Variants in ADGRB1 observed in about 807,000 individuals in gnomAD.
ADGRB1 encodes adhesion G protein-coupled receptor B1, also known as brain-specific angiogenesis inhibitor 1.
Under a neutral mutation model 175.7 loss-of-function variants are expected in ADGRB1, and 36 were observed. That is an observed-to-expected ratio of 0.20 (90% CI 0.16 to 0.27). The LOEUF is 0.27. Among genes scored for constraint, ADGRB1 ranks in the 10% least tolerant of loss-of-function variants. ADGRB1 has a pLI of 1.00. For missense variants in ADGRB1, 1,731 were observed against 2,255.3 expected (o/e 0.77, Z 4.71); for synonymous variants, 1,054 against 979.4 (o/e 1.08, Z -1.42).
At chr8:142,540,840 T>G (rs550690704) in intron 27 of ADGRB1, among the ~76,000 whole-genome samples, 1 of 151,182 alleles carries the variant, frequency 6.6e-6, no homozygotes, top group Non-Finnish European at 1.5e-5. Flanking sequence ...GGGCTGAAAA[T>G]GGGCACAGGG....
At chr8:142,528,860 C>T (rs1362884009) in intron 24 of ADGRB1, among the ~76,000 whole-genome samples, 2 of 152,238 alleles carry the variant, frequency 1.3e-5, no homozygotes, top group South Asian at 2.1e-4. Flanking sequence ...CAAGGCACCG[C>T]GGGTGCAGGG....
chr8:142,488,993 G>A (rs1018320920), intron 14 of ADGRB1, 42 bp from the exon 15 acceptor site: 1 of 1,597,296 alleles, frequency 6.3e-7, no homozygotes, highest in Non-Finnish European at 8.5e-7. Context: ...CACCCTGGCT[G>A]TGGGGATGGC....
chr8:142,538,074 GC>G (rs1025049035), intron 26 of ADGRB1, among the ~76,000 whole-genome samples: 9 of 152,190 alleles, frequency 5.9e-5, no homozygotes, highest in Non-Finnish European at 4.4e-5. Flanking sequence ...TCTTGCTCCT[GC>G]CCCTGTGTCC....
At chr8:142,505,281 G>A (rs920204272) in intron 17 of ADGRB1, among the ~76,000 whole-genome samples, 25 of 152,218 alleles carry the variant, frequency 1.6e-4, no homozygotes, top group African/African-American at 5.8e-4. Context: ...TCGTCTAGGC[G>A]CTTGCCGGGG....
In ADGRB1 at chr8:142,461,547, C is replaced by A. The variant is rs563035367; in HGVS notation, c.-219-2433C>A. ...TGACCGAGGCCCTAGACTCCGTGCCCGGCCGCAGGCCCACAGAGGCTGGTC... is the reference window on the plus strand; with the variant it reads ...TGACCGAGGCCCTAGACTCCGTGCCAGGCCGCAGGCCCACAGAGGCTGGTC... On this transcript the variant is annotated intron_variant, in intron 1 of 30. Coordinates refer to ENST00000517894, the MANE Select transcript of ADGRB1 (RefSeq NM_001702.3). 1.6e-4 allele frequency among the ~76,000 whole-genome samples: 24 copies of A among 152,310 alleles called. No homozygotes were observed. The East Asian group carries it at 4.1e-3, about 26-fold the overall frequency.
At chr8:142,450,488 C>G (rs930104133) in intron 1 of ADGRB1, among the ~76,000 whole-genome samples, 12 of 152,164 alleles carry the variant, frequency 7.9e-5, no homozygotes, top group African/African-American at 2.9e-4. Context: ...GTACCCCCAG[C>G]ACACACAGAC....
chr8:142,501,956 T>G (rs572416251), intron 17 of ADGRB1, among the ~76,000 whole-genome samples: 3 of 138,302 alleles, frequency 2.2e-5, no homozygotes, highest in African/African-American at 7.9e-5. Context: ...GTGATGGCTG[T>G]GTGGTTTTGA....
At chr8:142,536,093 GAGT>G (rs1343069708) in intron 25 of ADGRB1, among the ~76,000 whole-genome samples, 3 of 152,102 alleles carry the variant, frequency 2.0e-5, no homozygotes, top group African/African-American at 7.2e-5. Context: ...GTCTGTGGTT[GAGT>G]GGGTGGGTAG....
chr8:142,544,487 G>C lies in ADGRB1; in HGVS notation c.*70G>C. On this transcript the variant is annotated 3_prime_UTR_variant, in exon 31 of 31. Coordinates refer to ENST00000517894, the MANE Select transcript of ADGRB1 (RefSeq NM_001702.3). ...TGCTCCGCCCGCTCCTGCCGCAGACGGGCACAGACACGCTCGCGGGCAGCG... is the reference window on the plus strand; with the variant it reads ...TGCTCCGCCCGCTCCTGCCGCAGACCGGCACAGACACGCTCGCGGGCAGCG... 4 of 1,406,816 alleles carry C rather than the reference G, an allele frequency of 2.8e-6. No individual in the cohort carries two copies. Among genetic ancestry groups the C allele is most frequent in the Non-Finnish European group, 3.7e-6 (4 of 1,083,680 alleles). The allele number at this position is 1,406,816 out of a possible 1,614,324, so 87.1% of individuals were successfully genotyped here.
Position 142,478,148 on chromosome 8 carries a change from G to A in ADGRB1, c.1388-39G>A, listed in dbSNP as rs62511456. Reference sequence around the variant, plus strand: ...ATTCCAAGCCAGGCATTGGGGTGCCGGGTGTTCACGCCCACTTTGTGTCTC... The same window carrying A: ...ATTCCAAGCCAGGCATTGGGGTGCCAGGTGTTCACGCCCACTTTGTGTCTC... On this transcript the variant is annotated intron_variant, in intron 6 of 30. Coordinates refer to ENST00000517894, the MANE Select transcript of ADGRB1 (RefSeq NM_001702.3). 6.8e-3 allele frequency: 10,660 copies of A among 1,571,992 alleles called. 61 individuals are homozygous for A. The highest frequency in any genetic ancestry group is 7.9e-3 in the Non-Finnish European group (9,207 of 1,159,278).
At chr8:142,450,834 C>T (rs547387424) in intron 1 of ADGRB1, among the ~76,000 whole-genome samples, 10 of 152,350 alleles carry the variant, frequency 6.6e-5, no homozygotes, top group Non-Finnish European at 1.3e-4. Context: ...GCTCTTCCCT[C>T]CTTGTCTACC....
intron 19 of ADGRB1, among the ~76,000 whole-genome samples, chr8:142,520,457 GGT>G (rs1843755030): frequency 1.0e-5 from 1 of 100,152 alleles, no homozygotes; most frequent in Non-Finnish European, 2.2e-5. Flanking sequence ...TGGTGATGGT[GGT>G]GGTGGTGGTG....
chr8:142,501,156 G>A (rs570722335), intron 17 of ADGRB1, among the ~76,000 whole-genome samples: 4 of 152,220 alleles, frequency 2.6e-5, no homozygotes, highest in East Asian at 1.9e-4. Context: ...TGGAGGTGAC[G>A]CTGGTGACCA....
intron 25 of ADGRB1, among the ~76,000 whole-genome samples, chr8:142,536,279 G>T (rs1844919490): frequency 6.6e-6 from 1 of 152,020 alleles, no homozygotes; most frequent in Non-Finnish European, 1.5e-5. Context: ...GCCCAGAGCA[G>T]CCCACAGGAG....
At chr8:142,487,216 G>A (rs980948686) in intron 13 of ADGRB1, among the ~76,000 whole-genome samples, 1 of 151,972 alleles carries the variant, frequency 6.6e-6, no homozygotes, top group Non-Finnish European at 1.5e-5. Flanking sequence ...ACCGCCCCTC[G>A]ATGACCCTGT....
chr8:142,475,109 G>A (rs1840880725), intron 2 of ADGRB1, among the ~76,000 whole-genome samples: 1 of 152,210 alleles, frequency 6.6e-6, no homozygotes. Context: ...TTCCAGGCGT[G>A]CCAGGAACCA....
At chr8:142,531,380 G>A (rs544211658) in intron 24 of ADGRB1, among the ~76,000 whole-genome samples, 1 of 152,332 alleles carries the variant, frequency 6.6e-6, no homozygotes, top group Non-Finnish European at 1.5e-5. Flanking sequence ...CCTGTCCGCT[G>A]CTGCAGCCTG....
intron 22 of ADGRB1, 100 bp from the exon 23 acceptor site, chr8:142,524,138 C>G (rs1163321314): frequency 7.5e-7 from 1 of 1,333,820 alleles, no homozygotes; most frequent in Admixed American, 2.0e-5. Context: ...CAGTTTTCTT[C>G]TGCCACTTCC....
chr8:142,525,975 C>G (rs1844156082), intron 23 of ADGRB1, among the ~76,000 whole-genome samples: 1 of 152,160 alleles, frequency 6.6e-6, no homozygotes, highest in Admixed American at 6.5e-5. Context: ...CGGGGGTGCT[C>G]CAGGAACAGC....
Sources: gnomAD v4.1 joint callset for allele counts (sites outside exome capture counted in the v4.1 genomes callset) on GRCh38, gnomAD v4.1.1 for gene constraint, MANE v1.5 for transcripts, NCBI Gene and HGNC (gene_info 2026-07-23, HGNC 2026-07-21) for gene names.